FYCO1: variants seen among roughly 807,000 people sequenced by gnomAD.
The protein encoded by FYCO1 is FYVE and coiled-coil domain-containing protein 1.
In FYCO1, 122 loss-of-function variants were observed where a neutral mutation model predicts 165.1. The ratio of observed to expected loss-of-function variants is 0.74; its 90% CI spans 0.64 to 0.86. FYCO1 has a LOEUF of 0.86. FYCO1 is among the 40% of genes least tolerant of loss of function. The probability of loss-of-function intolerance (pLI) is 0.00; values close to 1 mark genes in which losing one functional copy is unlikely to be tolerated. For synonymous variants in FYCO1, 648 were observed against 742.5 expected (o/e 0.87, Z 2.07); for missense variants, 1,702 against 1,810.3 (o/e 0.94, Z 1.09).
chr3:45,937,976 G>C (rs1435721239), intron 14 of FYCO1, among the ~76,000 whole-genome samples: 1 of 152,168 alleles, frequency 6.6e-6, no homozygotes, highest in Non-Finnish European at 1.5e-5. Context: ...ACAGGCCAGG[G>C]TCACTCAGGC....
chr3:45,938,285 T>C, intron 14 of FYCO1: 1 of 1,264,470 alleles, frequency 7.9e-7, no homozygotes, highest in South Asian at 1.2e-5. Flanking sequence ...ATGGGATAGG[T>C]GGGTGATGCA....
intron 16 of FYCO1, among the ~76,000 whole-genome samples, chr3:45,926,269 G>A (rs368013932): frequency 6.6e-6 from 1 of 152,044 alleles, no homozygotes; most frequent in East Asian, 1.9e-4. Flanking sequence ...TACAAGAAAT[G>A]CAATTTAAAT....
chr3:45,955,442 T>C (rs757033164), intron 13 of FYCO1, 49 bp from the exon 14 acceptor site: 27 of 1,609,876 alleles, frequency 1.7e-5, no homozygotes, highest in Admixed American at 1.7e-5. Flanking sequence ...CACACTGTTA[T>C]GCATAGGCTG....
chr3:45,979,150 G>A (rs1475468639), intron 4 of FYCO1, among the ~76,000 whole-genome samples: 2 of 152,078 alleles, frequency 1.3e-5, no homozygotes, highest in East Asian at 1.9e-4. Context: ...GTGAGCCACC[G>A]CGCCCGGCCT....
intron 1 of FYCO1, among the ~76,000 whole-genome samples, chr3:45,995,088 G>C (rs1707742535): frequency 8.6e-6 from 1 of 116,822 alleles, no homozygotes; most frequent in Non-Finnish European, 1.6e-5. Context: ...ACGGACTCCA[G>C]TCCAGTGCAG....
chr3:45,994,772 T>G (rs55844314), intron 1 of FYCO1, among the ~76,000 whole-genome samples: 26,573 of 151,784 alleles, frequency 0.18, 6,363 homozygotes, highest in African/African-American at 0.54. Flanking sequence ...GATTAAGCCC[T>G]GGATCCTCTG....
intron 8 of FYCO1, among the ~76,000 whole-genome samples, chr3:45,965,949 C>G (rs1559458527): frequency 6.6e-6 from 1 of 152,208 alleles, no homozygotes; most frequent in Non-Finnish European, 1.5e-5. Context: ...TTCAAAAGCC[C>G]TCAAACTATA....
At chr3:45,977,350 A>AATATATATATATATAT (rs57543574) in intron 4 of FYCO1, among the ~76,000 whole-genome samples, 1 of 112,668 alleles carries the variant, frequency 8.9e-6, no homozygotes, top group Non-Finnish European at 1.8e-5. Flanking sequence ...AACTGAATTA[A>AATATATATATATATAT]ATATATATAT....
At chr3:45,979,929 C>T in intron 3 of FYCO1, 99 bp from the exon 4 acceptor site, 1 of 1,446,802 alleles carries the variant, frequency 6.9e-7, no homozygotes, top group Middle Eastern at 1.8e-4. Flanking sequence ...TAGGTGCCAG[C>T]ACTGGGTGAG....
chr3:45,957,975 G>A (rs1224104428), intron 13 of FYCO1, among the ~76,000 whole-genome samples: 1 of 152,258 alleles, frequency 6.6e-6, no homozygotes, highest in Non-Finnish European at 1.5e-5. Flanking sequence ...CTGAGTGGGA[G>A]GACACAAAGG....
chr3:45,969,619 AGGACATACCCT>A, intron 7 of FYCO1, 45 bp downstream of exon 7: 1 of 1,411,044 alleles, frequency 7.1e-7, no homozygotes, highest in Non-Finnish European at 1.0e-6. Flanking sequence ...GCTAGGGGCA[AGGACATACCCT>A]GGTAGAAGCT....
chr3:45,988,284 C>T (rs964215804), intron 1 of FYCO1, among the ~76,000 whole-genome samples: 4 of 152,130 alleles, frequency 2.6e-5, no homozygotes, highest in African/African-American at 9.7e-5. Flanking sequence ...CTTGCTCCTC[C>T]GTCTCGGTCT....
At chr3:45,994,141 C>T (rs537477147) in intron 1 of FYCO1, among the ~76,000 whole-genome samples, 44 of 152,144 alleles carry the variant, frequency 2.9e-4, no homozygotes, top group African/African-American at 1.0e-3. Flanking sequence ...CCAAACCCAG[C>T]CCCAAGGGGC....
At position 45,929,623 on chromosome 3, in the gene FYCO1, G is replaced by A. The variant is rs184229615; in HGVS notation, c.4251+1448C>T. On this transcript the variant is annotated intron_variant, in intron 16 of 17. Transcript: ENST00000296137. ...TTGGCCGCACCAGGACCTCCTGGGT[G>A]GGGGCTCAGAACTGCTCAAGAAGGA... Among the ~76,000 whole-genome samples the A allele has an allele frequency of 4.6e-3, 704 of 152,264 alleles. 2 individuals carry two copies. The highest frequency in any genetic ancestry group is 8.2e-3 in the Non-Finnish European group (558 of 67,998).
At position 45,945,656 on chromosome 3, in the gene FYCO1, T is replaced by C. The variant is rs1279049054; in HGVS notation, c.3945-9113A>G. The C allele has an allele frequency of 3.3e-5, 5 of 152,166 alleles. No individual in the cohort carries two copies. In the East Asian group the frequency reaches 9.6e-4, roughly 29 times the overall value. The allele number at this position is 152,166 out of a possible 1,614,324, so 9.4% of individuals were successfully genotyped here. The stretch of plus-strand genomic sequence containing the variant: ...GGAAATCTACCTTTTAAGAGACTTC[T>C]TGTTCAGAAGTCTTCAGGAAATGAG... On this transcript the variant is annotated intron_variant, in intron 14 of 17. Transcript: ENST00000296137.
At chr3:45,978,751 G>A (rs888059625) in intron 4 of FYCO1, among the ~76,000 whole-genome samples, 11 of 152,324 alleles carry the variant, frequency 7.2e-5, no homozygotes, top group African/African-American at 2.4e-4. Context: ...GATGGAATAG[G>A]CTGAGGAGAG....
In FYCO1 at chr3:45,966,644, T is replaced by C. The variant is rs751793566; in HGVS notation, c.2690A>G (p.Gln897Arg). 73 of 1,614,038 alleles carry C rather than the reference T, an allele frequency of 4.5e-5. No homozygotes were observed. The highest frequency in any genetic ancestry group is 6.1e-5 in the Non-Finnish European group (72 of 1,180,048). ...TGTGTCTGTGTTGGCCCGGTGCAGC[T>C]GCTCTTGCAGCTCAGCGTGCTCCAG... Reference protein sequence around the residue: ...AQLEHAELQEQLHRANTDTAE... With the variant: ...AQLEHAELQERLHRANTDTAE... The change falls in exon 8 of 18, where the codon CAG (glutamine) becomes CGG (arginine). Residue 897 changes from glutamine to arginine, a missense_variant. Transcript: ENST00000296137.
rs368757485 is a variant in FYCO1, at chr3:45,968,327, G to A, written c.1007C>T (p.Ala336Val). The A allele has an allele frequency of 9.9e-6, 16 of 1,613,652 alleles. No individual in the cohort carries two copies. The highest frequency in any genetic ancestry group is 1.3e-5 in the African/African-American group (1 of 74,922). Residue 336 changes from alanine to valine, a missense_variant, in exon 8 of 18, where the codon GCC becomes GTC. Transcript: ENST00000296137. ...AAEKEEDYHT[A>V]LRRLESMLQP... ...CAGCATGGACTCCAGCCGCCGCAGG[G>A]CTGTGTGGTAGTCCTCCTCCTTCTC...
intron 16 of FYCO1, among the ~76,000 whole-genome samples, chr3:45,928,757 C>A (rs888633539): frequency 1.3e-5 from 2 of 152,194 alleles, no homozygotes; most frequent in South Asian, 4.1e-4. Flanking sequence ...GCATCCTTCC[C>A]AGGGGTACCC....
Sources: gnomAD v4.1 joint callset for allele counts (sites outside exome capture counted in the v4.1 genomes callset) on GRCh38, gnomAD v4.1.1 for gene constraint, MANE v1.5 for transcripts, NCBI Gene and HGNC (gene_info 2026-07-23, HGNC 2026-07-21) for gene names.